The following GLP2R variants were observed in gnomAD, a reference collection of about 807,000 sequenced individuals.
GLP2R encodes glucagon-like peptide 2 receptor.
In GLP2R, 59 loss-of-function variants were observed where a neutral mutation model predicts 68.2. That is an observed-to-expected ratio of 0.87 (90% CI 0.70 to 1.07). The LOEUF is 1.07. Ranked by LOEUF, GLP2R falls within the 50% of genes least tolerant of loss-of-function variation. GLP2R has a pLI of 0.00. For synonymous variants in GLP2R, 270 were observed against 265.4 expected, an observed-to-expected ratio of 1.02 and a Z score of -0.17; for missense variants, 548 against 677.4, an observed-to-expected ratio of 0.81 and a Z score of 2.12.
chr17:9,829,161 G>T (rs1380885275), intron 1 of GLP2R, among the ~76,000 whole-genome samples: 1 of 152,104 alleles, frequency 6.6e-6, no homozygotes, highest in Non-Finnish European at 1.5e-5. Flanking sequence ...AAGCAGGGAG[G>T]TAGTGTTATC....
intron 2 of GLP2R, 90 bp downstream of exon 2, chr17:9,833,984 T>G: frequency 1.2e-6 from 1 of 822,290 alleles, no homozygotes; most frequent in East Asian, 2.6e-5. Context: ...TTATTACTTC[T>G]CATAGTTTCT....
chr17:9,861,963 C>A, intron 8 of GLP2R, 58 bp from the exon 9 acceptor site: 2 of 1,223,878 alleles, frequency 1.6e-6, no homozygotes, highest in Non-Finnish European at 2.4e-6. Flanking sequence ...GAGGCTTTGA[C>A]TTTCAACCTC....
chr17:9,833,821 C>T lies in GLP2R; in HGVS notation c.204C>T (p.Leu68=), dbSNP rs144530295. Reference sequence around the variant, plus strand: ...TGTTTGCTCAGGTTACAGGATCCCTCCTTGAGGAAACGACTCGGAAGTGGG... The same window carrying T: ...TGTTTGCTCAGGTTACAGGATCCCTTCTTGAGGAAACGACTCGGAAGTGGG... The part of the protein sequence containing the change: ...LVSIKQVTGS[L]LEETTRKWAQ... Residue 68 remains leucine (L), a synonymous_variant, in exon 2 of 13, where the codon CTC becomes CTT. Coordinates refer to ENST00000262441, the MANE Select transcript of GLP2R (RefSeq NM_004246.3). 8 of 1,611,976 alleles carry T rather than the reference C, an allele frequency of 5.0e-6. No homozygotes were observed. The African/African-American group carries it at 8.0e-5, about 16-fold the overall frequency.
At chr17:9,888,063 C>A in intron 12 of GLP2R, 90 bp downstream of exon 12, 1 of 890,134 alleles carries the variant, frequency 1.1e-6, no homozygotes, top group Non-Finnish European at 1.9e-6. Context: ...TGGGATGATG[C>A]TACGGGAGAA....
chr17:9,854,700 C>T (rs1420220048), intron 5 of GLP2R, 99 bp downstream of exon 5: 39 of 768,434 alleles, frequency 5.1e-5, no homozygotes, highest in Non-Finnish European at 7.0e-6. Flanking sequence ...TGCCTGAAAC[C>T]AGGGGTAGAA....
At chr17:9,826,571 A>G (rs758268902) in intron 1 of GLP2R, among the ~76,000 whole-genome samples, 1 of 152,196 alleles carries the variant, frequency 6.6e-6, no homozygotes, top group African/African-American at 2.4e-5. Flanking sequence ...TTCTGCAAAT[A>G]GCATTTACAA....
chr17:9,865,907 C>T (rs1044557276), intron 9 of GLP2R: 13 of 471,076 alleles, frequency 2.8e-5, no homozygotes, highest in Non-Finnish European at 5.7e-5. Flanking sequence ...GACATTTAAC[C>T]ATGAACTTGT....
intron 5 of GLP2R, among the ~76,000 whole-genome samples, chr17:9,854,941 T>C (rs2066922365): frequency 6.6e-6 from 1 of 152,228 alleles, no homozygotes; most frequent in South Asian, 2.1e-4. Flanking sequence ...TTCACCCTTC[T>C]TTTTGTGATG....
chr17:9,890,053 C>T lies in GLP2R; in HGVS notation c.*348C>T, dbSNP rs1220881447. On this transcript the variant is annotated 3_prime_UTR_variant, in exon 13 of 13. Transcript: ENST00000262441. ...GCCAGCCAATATCTCTTCCTTTATC[C>T]CTTGGGGTGCATGCTTTCCATCTGA... The T allele has an allele frequency of 2.1e-6, 1 of 467,162 alleles. No homozygotes were observed. 28.9% of individuals were successfully genotyped at this position (467,162 alleles called of 1,614,324 possible).
At position 9,891,009 on chromosome 17, in the gene GLP2R, T is replaced by C. The variant is rs2067286294; in HGVS notation, c.*1304T>C. On this transcript the variant is annotated 3_prime_UTR_variant, in exon 13 of 13. Transcript: ENST00000262441. ...GTGTTAATGCACAGGAGTGTCACTTTCATGGTATGTAAAATGCATGTGTAC... is the reference window on the plus strand; with the variant it reads ...GTGTTAATGCACAGGAGTGTCACTTCCATGGTATGTAAAATGCATGTGTAC... 1 of 152,208 alleles carries C rather than the reference T, an allele frequency of 6.6e-6. No individual in the cohort carries two copies. Among genetic ancestry groups the C allele is most frequent in the East Asian group, 1.9e-4 (1 of 5,200 alleles). 9.4% of individuals were successfully genotyped at this position (152,208 alleles called of 1,614,324 possible). A position where few individuals can be genotyped will look rare whatever the true frequency, so the allele number is the denominator to read the frequency against.
At chr17:9,872,355 T>A (rs1019969433) in intron 10 of GLP2R, among the ~76,000 whole-genome samples, 1 of 152,288 alleles carries the variant, frequency 6.6e-6, no homozygotes, top group East Asian at 1.9e-4. Context: ...GGTGGGCATA[T>A]CACCTGAGGT....
chr17:9,870,725 C>A (rs780127055), intron 9 of GLP2R, 22 bp from the exon 10 acceptor site: 16 of 1,132,184 alleles, frequency 1.4e-5, no homozygotes, highest in Admixed American at 5.1e-5. Context: ...CTTACTTACC[C>A]AATTCTGCTC....
chr17:9,879,612 TAGTC>T (rs1193523804), intron 10 of GLP2R, among the ~76,000 whole-genome samples: 4 of 152,224 alleles, frequency 2.6e-5, no homozygotes, highest in African/African-American at 4.8e-5. Flanking sequence ...GGAATTTTAA[TAGTC>T]AGCCACGTTT....
At chr17:9,850,644 T>C (rs1402726743) in intron 4 of GLP2R, among the ~76,000 whole-genome samples, 2 of 151,766 alleles carry the variant, frequency 1.3e-5, no homozygotes, top group Non-Finnish European at 2.9e-5. Flanking sequence ...TGATAACCCA[T>C]GCTTTATTTG....
At chr17:9,853,028 TG>T in intron 4 of GLP2R, 1 of 487,388 alleles carries the variant, frequency 2.1e-6, no homozygotes. Flanking sequence ...GTGGGTGGTG[TG>T]ATTTCAAAGC....
intron 9 of GLP2R, chr17:9,865,945 G>A: frequency 2.1e-6 from 1 of 470,876 alleles, no homozygotes. Context: ...CCCAGAGAAA[G>A]GCATTAGATC....
chr17:9,862,426 G>T (rs2152040570), intron 9 of GLP2R, among the ~76,000 whole-genome samples: 2 of 152,294 alleles, frequency 1.3e-5, no homozygotes, highest in Non-Finnish European at 2.9e-5. Context: ...AATAGCAGGG[G>T]TATCGGCTTA....
chr17:9,889,515 G>C lies in GLP2R; in HGVS notation c.1472G>C (p.Arg491Pro). 6.2e-7 allele frequency: 1 copy of C among 1,614,194 alleles called. No homozygotes were observed. Among genetic ancestry groups the C allele is most frequent in the Non-Finnish European group, 8.5e-7 (1 of 1,180,026 alleles). Residue 491 changes from arginine to proline, a missense_variant, in exon 13 of 13, where the codon CGG (arginine) becomes CCG (proline). Arg to Pro is a moderately radical substitution (Grantham distance 103). Coordinates refer to ENST00000262441, the MANE Select transcript of GLP2R (RefSeq NM_004246.3). ...GAAGGAGATGGCGCTGAGAAGCTTC[G>C]GAAGCTGCAGCCCTCACTTAACAGT... ...LSEGDGAEKL[R>P]KLQPSLNSGR...
chr17:9,847,152 AC>A (rs2066846740), intron 4 of GLP2R, among the ~76,000 whole-genome samples: 1 of 152,220 alleles, frequency 6.6e-6, no homozygotes, highest in Non-Finnish European at 1.5e-5. Context: ...AGCAAAAATA[AC>A]CCCAGTGGCA....
Sources: allele counts gnomAD v4.1 joint callset (sites outside exome capture counted in the v4.1 genomes callset), GRCh38; gene constraint gnomAD v4.1.1; transcripts MANE v1.5; gene names NCBI Gene and HGNC (gene_info 2026-07-23, HGNC 2026-07-21).